The following STK3 variants were observed in gnomAD, a reference collection of about 807,000 sequenced individuals.
STK3 encodes serine/threonine-protein kinase 3.
STK3 carries 41 observed loss-of-function variants against 58.0 expected under a neutral mutation model. The observed-to-expected ratio is 0.71, with a 90% confidence interval of 0.55 to 0.92. The LOEUF is 0.92. Ranked by LOEUF, STK3 falls within the 40% of genes least tolerant of loss-of-function variation. The probability of loss-of-function intolerance (pLI) is 0.00; values close to 1 mark genes in which losing one functional copy is unlikely to be tolerated. For synonymous variants in STK3, 170 were observed against 191.0 expected, an observed-to-expected ratio of 0.89 and a Z score of 0.91; for missense variants, 479 against 602.7, an observed-to-expected ratio of 0.79 and a Z score of 2.15.
chr8:98,707,296 T>C lies in STK3; in HGVS notation c.367A>G (p.Ile123Val), dbSNP rs371706117. ...LRNKTLIEDEIATILKSTLKG... is the reference protein window; with the variant it reads ...LRNKTLIEDEVATILKSTLKG... ...AATGTAGATTTAAGAATGGTTGCAA[T>C]TTCATCTTCTATTAACTGGAAAGAA... The change falls in exon 5 of 11, where the codon ATT (isoleucine) becomes GTT (valine). Residue 123 changes from isoleucine to valine, a missense_variant. Ile to Val is a conservative substitution (Grantham distance 29). Transcript: ENST00000419617. 5.9e-6 allele frequency: 9 copies of C among 1,534,612 alleles called. No individual in the cohort carries two copies. In the African/African-American group the frequency reaches 1.1e-4, roughly 19 times the overall value.
intron 3 of STK3, among the ~76,000 whole-genome samples, chr8:98,865,311 A>G (rs1354075895): frequency 1.3e-5 from 2 of 152,098 alleles, no homozygotes; most frequent in African/African-American, 4.8e-5. Flanking sequence ...TTCTTCCCCT[A>G]TACCTCTCAG....
At chr8:98,468,301 T>C (rs1820638023) in intron 10 of STK3, among the ~76,000 whole-genome samples, 1 of 152,220 alleles carries the variant, frequency 6.6e-6, no homozygotes, top group Non-Finnish European at 1.5e-5. Flanking sequence ...GGAAACATTT[T>C]AGCATTCTCA....
chr8:98,363,366 G>T, the STK3 span, among the ~76,000 whole-genome samples: 3,680 of 152,156 alleles, frequency 0.024, 158 homozygotes, highest in African/African-American at 0.082. Context: ...AAATCACTTC[G>T]CAGAATAACA....
At chr8:98,767,079 C>T (rs1830995514) in intron 3 of STK3, among the ~76,000 whole-genome samples, 164 bp downstream of exon 3, 1 of 152,076 alleles carries the variant, frequency 6.6e-6, no homozygotes, top group Admixed American at 6.6e-5. Flanking sequence ...CGAGATGGCG[C>T]CATTGCACTC....
chr8:98,889,337 G>A (rs1838111841), intron 1 of STK3, among the ~76,000 whole-genome samples: 1 of 152,186 alleles, frequency 6.6e-6, no homozygotes, highest in South Asian at 2.1e-4. Context: ...AGTCTAGGGT[G>A]CCCTGGAAAA....
chr8:98,912,911 GTTTA>G (rs1271732337), intron 1 of STK3, among the ~76,000 whole-genome samples: 5 of 151,976 alleles, frequency 3.3e-5, no homozygotes, highest in Non-Finnish European at 7.4e-5. Context: ...ACTGGTTGTG[GTTTA>G]TTTGTTTGTT....
At chr8:98,641,423 G>T (rs142705109) in intron 6 of STK3, among the ~76,000 whole-genome samples, 279 of 152,224 alleles carry the variant, frequency 1.8e-3, no homozygotes, top group African/African-American at 6.2e-3. Context: ...AGTGCCAAAA[G>T]AACATTCTTA....
Position 98,898,350 on chromosome 8 carries a change from C to T in STK3, c.-78-14516G>A, listed in dbSNP as rs1264348656. On this transcript the variant is annotated intron_variant, in intron 1 of 1. Transcript: ENST00000519420. The stretch of plus-strand genomic sequence containing the variant: ...AAACTCTGTTGAGGCTTTTAACCTC[C>T]TGCATACCTGGCTTCCCATGATTGT... Among the ~76,000 whole-genome samples, 4 of 152,176 alleles carry T rather than the reference C, an allele frequency of 2.6e-5. No individual in the cohort carries two copies. The South Asian group carries it at 8.3e-4, about 32-fold the overall frequency.
chr8:98,572,797 G>A (rs1813067570), intron 8 of STK3, among the ~76,000 whole-genome samples: 1 of 152,014 alleles, frequency 6.6e-6, no homozygotes, highest in South Asian at 2.1e-4. Flanking sequence ...ATAATCTGAA[G>A]AAAGCATGTG....
At chr8:98,416,239 T>G (rs1029922833) in intron 3 of STK3, among the ~76,000 whole-genome samples, 15 of 152,220 alleles carry the variant, frequency 9.9e-5, no homozygotes, top group Admixed American at 7.2e-4. Context: ...AGAGCTGGAT[T>G]TGGGCGATCA....
intron 2 of STK3, among the ~76,000 whole-genome samples, chr8:98,376,832 G>T (rs543645558): frequency 6.6e-6 from 1 of 152,140 alleles, no homozygotes; most frequent in Non-Finnish European, 1.5e-5. Flanking sequence ...AGATGTAACC[G>T]GTAGCCAGGA....
At chr8:98,644,218 C>T (rs1005732259) in intron 6 of STK3, among the ~76,000 whole-genome samples, 1 of 152,122 alleles carries the variant, frequency 6.6e-6, no homozygotes, top group Non-Finnish European at 1.5e-5. Flanking sequence ...GGCCAAAAAT[C>T]TTCTTTTCAT....
chr8:98,374,328 A>G (rs899132566), intron 2 of STK3, among the ~76,000 whole-genome samples: 2 of 152,204 alleles, frequency 1.3e-5, no homozygotes, highest in Non-Finnish European at 2.9e-5. Flanking sequence ...GTCTAAGCCA[A>G]CAGTCCAGGT....
the STK3 span, among the ~76,000 whole-genome samples, chr8:98,344,061 A>G: frequency 6.6e-5 from 10 of 152,220 alleles, no homozygotes; most frequent in East Asian, 9.6e-4. Flanking sequence ...ATACAATGAA[A>G]GGATGGTTAC....
At chr8:98,825,492 CT>C in intron 1 of STK3, 22 bp downstream of exon 1, 1 of 1,453,086 alleles carries the variant, frequency 6.9e-7, no homozygotes, top group Non-Finnish European at 9.1e-7. Context: ...TTCCCTCCTT[CT>C]TCCCGCTCCC....
chr8:98,420,376 A>G (rs1242752045), intron 3 of STK3, among the ~76,000 whole-genome samples: 2 of 152,204 alleles, frequency 1.3e-5, no homozygotes, highest in Non-Finnish European at 2.9e-5. Context: ...TGACATTGAC[A>G]TATTGTTATA....
In STK3 at chr8:98,395,146, G is replaced by A. The variant is rs555375221; in HGVS notation, n.428-6899C>T. 2.6e-5 allele frequency among the ~76,000 whole-genome samples: 4 copies of A among 152,206 alleles called. No homozygotes were observed. In the South Asian group the frequency reaches 8.3e-4, roughly 32 times the overall value. ...CAAATATGAAATCTATTTCAATTGT[G>A]TCAGACTTCTGGGATCTTGGCATTG... On this transcript the variant is annotated intron_variant and non_coding_transcript_variant, in intron 3 of 5. Coordinates refer to the STK3 transcript ENST00000649151.
At chr8:98,432,285 G>A (rs1818346542) in intron 3 of STK3, 1 of 167,044 alleles carries the variant, frequency 6.0e-6, no homozygotes, top group Non-Finnish European at 1.5e-5. Flanking sequence ...GAGATGACTT[G>A]TTTCCAGCTG....
At chr8:98,515,966 A>G (rs552342260) in intron 10 of STK3, among the ~76,000 whole-genome samples, 3 of 152,196 alleles carry the variant, frequency 2.0e-5, no homozygotes, top group South Asian at 2.1e-4. Flanking sequence ...TAAGATCTCA[A>G]TATGTGTCAG....
Sources: allele counts gnomAD v4.1 joint callset (sites outside exome capture counted in the v4.1 genomes callset), GRCh38; gene constraint gnomAD v4.1.1; transcripts MANE v1.5; gene names NCBI Gene and HGNC (gene_info 2026-07-23, HGNC 2026-07-21).